SLC44A5: variants seen among roughly 807,000 people sequenced by gnomAD.
SLC44A5 encodes the protein choline transporter-like protein 5.
In SLC44A5, 57 loss-of-function variants were observed where a neutral mutation model predicts 101.8. That is an observed-to-expected ratio of 0.56 (90% CI 0.45 to 0.70). The LOEUF is 0.70. Ranked by LOEUF, SLC44A5 falls within the 30% of genes least tolerant of loss-of-function variation. The pLI, the probability that SLC44A5 is intolerant of heterozygous loss-of-function variation, is 0.00. For synonymous variants in SLC44A5, 281 were observed against 290.9 expected, an observed-to-expected ratio of 0.97 and a Z score of 0.35; for missense variants, 737 against 853.1, an observed-to-expected ratio of 0.86 and a Z score of 1.70.
Position 75,481,074 on chromosome 1 carries a change from G to C in SLC44A5, c.13+60361C>G, listed in dbSNP as rs544497365. ...AACAGAGATATAGATCAATGGAACA[G>C]AACAGAGCCCTCAGAAGTAACGCCA... On this transcript the variant is annotated intron_variant, in intron 2 of 23. Transcript: ENST00000370859. 8.5e-4 allele frequency among the ~76,000 whole-genome samples: 129 copies of C among 152,264 alleles called. 1 individual carries two copies. Among genetic ancestry groups the C allele is most frequent in the African/African-American group, 2.8e-3 (117 of 41,560 alleles).
At chr1:75,684,194 C>T in the SLC44A5 span, among the ~76,000 whole-genome samples, 2 of 152,222 alleles carry the variant, frequency 1.3e-5, no homozygotes, top group South Asian at 4.1e-4. Context: ...GGGGAAACTG[C>T]CCATGTGATT....
At chr1:75,631,760 CT>C in the SLC44A5 span, among the ~76,000 whole-genome samples, 2 of 151,814 alleles carry the variant, frequency 1.3e-5, no homozygotes, top group African/African-American at 4.8e-5. Context: ...CAGTCTTGAA[CT>C]CCTGACCTCA....
chr1:75,697,407 G>A, the SLC44A5 span, among the ~76,000 whole-genome samples: 7 of 152,184 alleles, frequency 4.6e-5, no homozygotes, highest in Non-Finnish European at 5.9e-5. Context: ...ATTTGTTTAA[G>A]AACATATAAT....
At chr1:75,521,193 T>A (rs1374566457) in intron 2 of SLC44A5, among the ~76,000 whole-genome samples, 1 of 152,166 alleles carries the variant, frequency 6.6e-6, no homozygotes, top group African/African-American at 2.4e-5. Context: ...AAATATCACA[T>A]TGAAGTTGAG....
chr1:75,609,186 A>G (rs1026215950), intron 1 of SLC44A5, among the ~76,000 whole-genome samples: 1 of 151,834 alleles, frequency 6.6e-6, no homozygotes, highest in Non-Finnish European at 1.5e-5. Context: ...TCAGTCTCCT[A>G]TTTATACCTC....
rs763966949 is a variant in SLC44A5 at position 75,541,491 on chromosome 1, C to A, written c.-44G>T. On this transcript the variant is annotated 5_prime_UTR_variant, in exon 2 of 24. Transcript: ENST00000370859. Reference sequence around the variant, plus strand: ...CTTCAGAAGTAGGCCTGAATCACTGCAAACTTGAGTTGCTTAGAAAAGAGT... The same window carrying A: ...CTTCAGAAGTAGGCCTGAATCACTGAAAACTTGAGTTGCTTAGAAAAGAGT... The A allele has an allele frequency of 5.6e-6, 9 of 1,606,522 alleles. No individual in the cohort carries two copies. The highest frequency in any genetic ancestry group is 1.7e-5 in the Admixed American group (1 of 59,614).
the SLC44A5 span, among the ~76,000 whole-genome samples, chr1:75,639,486 CAAACT>C: frequency 1.3e-5 from 2 of 152,048 alleles, no homozygotes; most frequent in Non-Finnish European, 1.5e-5. Context: ...AGTTTCTAGC[CAAACT>C]AAATACCTCT....
intron 3 of SLC44A5, among the ~76,000 whole-genome samples, chr1:75,370,535 C>T (rs1660156173): frequency 6.6e-6 from 1 of 152,110 alleles, no homozygotes; most frequent in Non-Finnish European, 1.5e-5. Context: ...TTGGACCGCT[C>T]AGTGAACTAC....
intron 2 of SLC44A5, among the ~76,000 whole-genome samples, chr1:75,431,724 A>T (rs977499873): frequency 6.6e-6 from 1 of 152,172 alleles, no homozygotes; most frequent in Non-Finnish European, 1.5e-5. Flanking sequence ...GTCCAATGAG[A>T]AATATACAAG....
At chr1:75,573,523 A>G (rs1442490291) in intron 1 of SLC44A5, among the ~76,000 whole-genome samples, 1 of 152,176 alleles carries the variant, frequency 6.6e-6, no homozygotes, top group Admixed American at 6.5e-5. Context: ...ATAAAATTGC[A>G]TGTTTATCAA....
intron 2 of SLC44A5, among the ~76,000 whole-genome samples, chr1:75,504,422 A>G (rs1262758344): frequency 6.6e-6 from 1 of 152,144 alleles, no homozygotes; most frequent in Non-Finnish European, 1.5e-5. Context: ...TCAAGCTGCT[A>G]TCATATAATG....
At chr1:75,455,242 T>C (rs1158424472) in intron 2 of SLC44A5, among the ~76,000 whole-genome samples, 1 of 151,768 alleles carries the variant, frequency 6.6e-6, no homozygotes, top group Non-Finnish European at 1.5e-5. Context: ...CTTCAGCAAG[T>C]CAACAAAAAT....
intron 4 of SLC44A5, among the ~76,000 whole-genome samples, chr1:75,319,586 C>G (rs1399308981): frequency 6.6e-6 from 1 of 152,056 alleles, no homozygotes. Flanking sequence ...GCCTTTTTTT[C>G]TCCTGAACTA....
At chr1:75,528,537 ATCT>A (rs1215784775) in intron 2 of SLC44A5, among the ~76,000 whole-genome samples, 3 of 152,272 alleles carry the variant, frequency 2.0e-5, no homozygotes, top group Non-Finnish European at 2.9e-5. Flanking sequence ...GCAGGCAAAC[ATCT>A]TCTTCTATGA....
intron 4 of SLC44A5, among the ~76,000 whole-genome samples, chr1:75,307,796 T>C (rs1239110949): frequency 6.6e-6 from 1 of 152,152 alleles, no homozygotes; most frequent in Non-Finnish European, 1.5e-5. Context: ...CGCACACCAT[T>C]CTTTGTGTAT....
At chr1:75,383,642 A>G (rs1254509531) in intron 3 of SLC44A5, among the ~76,000 whole-genome samples, 3 of 152,222 alleles carry the variant, frequency 2.0e-5, no homozygotes, top group Non-Finnish European at 4.4e-5. Flanking sequence ...GCAGGATATT[A>G]TCCAGGAGAA....
intron 6 of SLC44A5, among the ~76,000 whole-genome samples, chr1:75,271,499 G>T (rs79456400): frequency 3.4e-4 from 47 of 138,972 alleles, no homozygotes; most frequent in African/African-American, 1.1e-3. Flanking sequence ...TGCATGTTTT[G>T]TGTGTGTGTG....
rs140557517 is a variant in SLC44A5, at chr1:75,419,492, G to A, written c.14-22871C>T. Among the ~76,000 whole-genome samples the A allele has an allele frequency of 6.6e-5, 10 of 151,076 alleles. No homozygotes were observed. The East Asian group carries it at 1.6e-3, about 24-fold the overall frequency. ...GAGAGAAAAAAAAAAAGGACTGTTCGTGTGAAATTCTGTACCAGGAAAAAA... is the reference window on the plus strand; with the variant it reads ...GAGAGAAAAAAAAAAAGGACTGTTCATGTGAAATTCTGTACCAGGAAAAAA... On this transcript the variant is annotated intron_variant, in intron 2 of 23. Transcript: ENST00000370859.
intron 3 of SLC44A5, among the ~76,000 whole-genome samples, chr1:75,345,903 T>G (rs1459021226): frequency 6.6e-6 from 1 of 152,150 alleles, no homozygotes; most frequent in African/African-American, 2.4e-5. Context: ...AAATGGCTGT[T>G]GTATTTCAGA....
Sources: gnomAD v4.1 joint callset for allele counts (sites outside exome capture counted in the v4.1 genomes callset) on GRCh38, gnomAD v4.1.1 for gene constraint, MANE v1.5 for transcripts, NCBI Gene and HGNC (gene_info 2026-07-23, HGNC 2026-07-21) for gene names.